RABGAP1L: variants seen among roughly 807,000 people sequenced by gnomAD.
RABGAP1L encodes rab GTPase-activating protein 1-like.
RABGAP1L carries 63 observed loss-of-function variants against 137.7 expected under a neutral mutation model. The ratio of observed to expected loss-of-function variants is 0.46; its 90% CI spans 0.37 to 0.56. The LOEUF (loss-of-function observed/expected upper bound fraction) is 0.56. Among genes scored for constraint, RABGAP1L ranks in the 20% least tolerant of loss-of-function variants. The pLI, the probability that RABGAP1L is intolerant of heterozygous loss-of-function variation, is 0.00. For synonymous variants in RABGAP1L, 431 were observed against 433.7 expected, an observed-to-expected ratio of 0.99 and a Z score of 0.08; for missense variants, 1,095 against 1,244.0, an observed-to-expected ratio of 0.88 and a Z score of 1.80.
chr1:174,208,364 G>A (rs1368355868), intron 1 of RABGAP1L, among the ~76,000 whole-genome samples: 5 of 151,408 alleles, frequency 3.3e-5, no homozygotes, highest in Non-Finnish European at 5.9e-5. Flanking sequence ...ATCTGTATAC[G>A]TTTTATTTCT....
intron 13 of RABGAP1L, among the ~76,000 whole-genome samples, chr1:174,399,733 T>C (rs1648321011): frequency 6.6e-6 from 1 of 151,962 alleles, no homozygotes; most frequent in Non-Finnish European, 1.5e-5. Flanking sequence ...AACACATCCT[T>C]CTTCTCATGG....
intron 13 of RABGAP1L, among the ~76,000 whole-genome samples, chr1:174,616,239 G>A (rs968025772): frequency 6.6e-5 from 10 of 151,858 alleles, no homozygotes; most frequent in South Asian, 2.1e-4. Flanking sequence ...GTTGGTATGC[G>A]GTTTGCTGTG....
intron 10 of RABGAP1L, among the ~76,000 whole-genome samples, chr1:174,295,159 C>T (rs541213036): frequency 4.6e-5 from 7 of 151,822 alleles, no homozygotes; most frequent in African/African-American, 9.7e-5. Flanking sequence ...CCTCATGATC[C>T]GCCCACCTTG....
chr1:174,628,677 A>G lies in RABGAP1L; in HGVS notation c.1711-8698A>G, dbSNP rs145862173. On this transcript the variant is annotated intron_variant, in intron 13 of 25. Coordinates refer to ENST00000681986, the MANE Select transcript of RABGAP1L (RefSeq NM_001366446.1). Reference sequence around the variant, plus strand: ...AGAATCAATGAGTTTATCTGGCTTCAAGGCCATTATAATATCGTATTGGAC... The same window carrying G: ...AGAATCAATGAGTTTATCTGGCTTCGAGGCCATTATAATATCGTATTGGAC... Among the ~76,000 whole-genome samples, 825 of 152,344 alleles carry G rather than the reference A, an allele frequency of 5.4e-3. 3 individuals are homozygous for G. The highest frequency in any genetic ancestry group is 9.2e-3 in the Non-Finnish European group (626 of 68,028).
At chr1:174,894,657 G>A (rs545024430) in intron 19 of RABGAP1L, among the ~76,000 whole-genome samples, 11 of 152,146 alleles carry the variant, frequency 7.2e-5, no homozygotes, top group African/African-American at 2.2e-4. Context: ...ATTATGGATC[G>A]AAATGGAGCT....
intron 12 of RABGAP1L, among the ~76,000 whole-genome samples, chr1:174,389,931 C>T (rs1687087814): frequency 6.6e-6 from 1 of 152,076 alleles, no homozygotes; most frequent in Non-Finnish European, 1.5e-5. Flanking sequence ...CAGCATGTAT[C>T]ATAACTAGTT....
rs370516902 is a variant in RABGAP1L, at chr1:174,220,968, G to A, written c.139-4G>A. ...GAAACAGAATTGTCTTGCTGTGTCTGTAGATAGTTTCTAATGGTGATGAAC... is the reference window on the plus strand; with the variant it reads ...GAAACAGAATTGTCTTGCTGTGTCTATAGATAGTTTCTAATGGTGATGAAC... On this transcript the variant is annotated splice_region_variant and splice_polypyrimidine_tract_variant and intron_variant, in intron 2 of 25. Coordinates refer to ENST00000681986, the MANE Select transcript of RABGAP1L (RefSeq NM_001366446.1). 88 of 1,602,276 alleles carry A rather than the reference G, an allele frequency of 5.5e-5. 2 individuals carry two copies. In the Admixed American group the frequency reaches 1.2e-3, roughly 22 times the overall value.
At chr1:174,684,341 G>A (rs187341542) in intron 15 of RABGAP1L, among the ~76,000 whole-genome samples, 75 of 152,190 alleles carry the variant, frequency 4.9e-4, no homozygotes, top group Admixed American at 1.4e-3. Context: ...AAGGTGAGAG[G>A]GGAAAGGGAG....
intron 13 of RABGAP1L, among the ~76,000 whole-genome samples, chr1:174,601,193 C>T (rs528717068): frequency 1.3e-3 from 197 of 152,298 alleles, no homozygotes; most frequent in Non-Finnish European, 1.1e-3. Flanking sequence ...GTCCCTAGGC[C>T]GCACGCAGCA....
At chr1:174,556,669 T>G (rs1666902038) in intron 13 of RABGAP1L, among the ~76,000 whole-genome samples, 1 of 152,230 alleles carries the variant, frequency 6.6e-6, no homozygotes, top group Non-Finnish European at 1.5e-5. Flanking sequence ...TCCTGGGTCT[T>G]GAGGAAGTTC....
At chr1:174,901,470 T>C (rs1658131816) in intron 19 of RABGAP1L, among the ~76,000 whole-genome samples, 2 of 152,140 alleles carry the variant, frequency 1.3e-5, no homozygotes, top group South Asian at 4.1e-4. Flanking sequence ...ATGAGAACTG[T>C]CTGTCATGAG....
At chr1:174,527,901 C>CTTT (rs57707616) in intron 13 of RABGAP1L, among the ~76,000 whole-genome samples, 8,109 of 124,766 alleles carry the variant, frequency 0.065, 884 homozygotes, top group African/African-American at 0.22. Flanking sequence ...ATATACTTGT[C>CTTT]TTTTTTTTTT....
At chr1:174,946,402 G>A (rs1666771590) in intron 19 of RABGAP1L, among the ~76,000 whole-genome samples, 1 of 152,146 alleles carries the variant, frequency 6.6e-6, no homozygotes, top group Non-Finnish European at 1.5e-5. Flanking sequence ...CTACTTGGGA[G>A]GTTGAGTCAG....
chr1:174,399,557 A>G (rs758667119), intron 13 of RABGAP1L, among the ~76,000 whole-genome samples: 19 of 152,168 alleles, frequency 1.2e-4, no homozygotes, highest in Non-Finnish European at 2.4e-4. Context: ...CTCAGATTAC[A>G]CAGGGAAGAA....
At chr1:174,690,829 C>CTTTTTTTTT (rs572724291) in intron 15 of RABGAP1L, among the ~76,000 whole-genome samples, 2 of 116,934 alleles carry the variant, frequency 1.7e-5, no homozygotes, top group African/African-American at 3.2e-5. Context: ...CAGCATTCAT[C>CTTTTTTTTT]TTTTTTTTTT....
At chr1:174,611,067 C>A (rs1409394922) in intron 13 of RABGAP1L, among the ~76,000 whole-genome samples, 1 of 149,440 alleles carries the variant, frequency 6.7e-6, no homozygotes, top group Non-Finnish European at 1.5e-5. Context: ...TAATTAGATC[C>A]CATTTGTCAA....
chr1:174,894,803 C>T (rs1025292057), intron 19 of RABGAP1L, among the ~76,000 whole-genome samples: 1 of 152,120 alleles, frequency 6.6e-6, no homozygotes, highest in Non-Finnish European at 1.5e-5. Context: ...GTCGCCCTGG[C>T]TGTAGTGCAG....
At chr1:174,530,246 G>A (rs912346732) in intron 13 of RABGAP1L, among the ~76,000 whole-genome samples, 7 of 152,032 alleles carry the variant, frequency 4.6e-5, no homozygotes, top group Non-Finnish European at 7.4e-5. Context: ...CTCCTGTGCA[G>A]TAGCCCATGT....
chr1:174,946,275 G>C (rs868805494), intron 19 of RABGAP1L, among the ~76,000 whole-genome samples: 49 of 152,270 alleles, frequency 3.2e-4, no homozygotes, highest in African/African-American at 1.1e-3. Context: ...ATGTTGGCTA[G>C]ATGACAGGCA....
Sources: allele counts gnomAD v4.1 joint callset (sites outside exome capture counted in the v4.1 genomes callset), GRCh38; gene constraint gnomAD v4.1.1; transcripts MANE v1.5; gene names NCBI Gene and HGNC (gene_info 2026-07-23, HGNC 2026-07-21).